The following KCNIP4 variants were observed in gnomAD, a reference collection of about 807,000 sequenced individuals.
KCNIP4 encodes the protein potassium voltage-gated channel interacting protein 4, also known as Kv channel-interacting protein 4.
KCNIP4 carries 12 observed loss-of-function variants against 34.0 expected under a neutral mutation model. That is an observed-to-expected ratio of 0.35 (90% confidence interval 0.23 to 0.57). The LOEUF (loss-of-function observed/expected upper bound fraction) is 0.57, where lower values mean the gene tolerates loss of function less well. Ranked by LOEUF, KCNIP4 falls within the 20% of genes least tolerant of loss-of-function variation. The pLI is 0.83. For missense variants in KCNIP4, 238 were observed against 311.7 expected, an observed-to-expected ratio of 0.76 and a Z score of 1.78; for synonymous variants, 124 against 102.2, an observed-to-expected ratio of 1.21 and a Z score of -1.29.
intron 1 of KCNIP4, among the ~76,000 whole-genome samples, chr4:21,016,279 T>G (rs1739534522): frequency 6.6e-6 from 1 of 150,996 alleles, no homozygotes; most frequent in African/African-American, 2.4e-5. Flanking sequence ...CTGTAAGCTT[T>G]ATTTCTTTTC....
At chr4:21,836,914 A>ATTT (rs201730191) in intron 1 of KCNIP4, among the ~76,000 whole-genome samples, 36,695 of 122,012 alleles carry the variant, frequency 0.3, 6,602 homozygotes, top group Non-Finnish European at 0.41. Flanking sequence ...GCTGGGATAA[A>ATTT]TTTTTTTTTT....
At chr4:20,790,787 T>G (rs1032593600) in intron 3 of KCNIP4, among the ~76,000 whole-genome samples, 1 of 152,082 alleles carries the variant, frequency 6.6e-6, no homozygotes, top group Non-Finnish European at 1.5e-5. Context: ...TGCAGTAAGT[T>G]GGAGAATAGA....
At chr4:21,725,739 G>A (rs1291863065) in intron 1 of KCNIP4, among the ~76,000 whole-genome samples, 2 of 152,076 alleles carry the variant, frequency 1.3e-5, no homozygotes, top group African/African-American at 4.8e-5. Flanking sequence ...CCTTAGAACA[G>A]TTCAACATTA....
intron 1 of KCNIP4, among the ~76,000 whole-genome samples, chr4:21,309,231 G>A (rs950725816): frequency 4.6e-5 from 7 of 152,152 alleles, no homozygotes; most frequent in East Asian, 1.9e-4. Flanking sequence ...GAAAGGGGGC[G>A]AACTTTCTCT....
chr4:20,750,451 C>A (rs529419050), intron 4 of KCNIP4, among the ~76,000 whole-genome samples: 1 of 152,112 alleles, frequency 6.6e-6, no homozygotes, highest in Non-Finnish European at 1.5e-5. Flanking sequence ...TAGGGAGCCC[C>A]TACTCTGTCT....
intron 1 of KCNIP4, among the ~76,000 whole-genome samples, chr4:21,505,228 C>T (rs358558): frequency 2.0e-5 from 3 of 151,256 alleles, no homozygotes; most frequent in African/African-American, 7.3e-5. Context: ...ATAGATTTTT[C>T]CCCCCATTGG....
At chr4:21,388,048 G>C (rs1443797157) in intron 1 of KCNIP4, among the ~76,000 whole-genome samples, 2 of 147,346 alleles carry the variant, frequency 1.4e-5, no homozygotes, top group African/African-American at 5.2e-5. Flanking sequence ...CAATAGTAGG[G>C]ACAGCTAGAG....
chr4:20,825,255 A>G (rs1358166091), intron 3 of KCNIP4, among the ~76,000 whole-genome samples: 1 of 124,704 alleles, frequency 8.0e-6, no homozygotes, highest in East Asian at 2.5e-4. Flanking sequence ...TTTTTGTAAG[A>G]TCTGATGTTG....
At chr4:21,470,724 CT>C (rs1730389060) in intron 1 of KCNIP4, among the ~76,000 whole-genome samples, 1 of 151,992 alleles carries the variant, frequency 6.6e-6, no homozygotes, top group Non-Finnish European at 1.5e-5. Context: ...CCCCAAAGAG[CT>C]TGTGGTGACT....
chr4:21,318,376 C>A (rs1262329637), intron 1 of KCNIP4, among the ~76,000 whole-genome samples: 1 of 152,156 alleles, frequency 6.6e-6, no homozygotes, highest in Admixed American at 6.5e-5. Context: ...TGAGTCAAAG[C>A]AATCCTAATA....
intron 1 of KCNIP4, among the ~76,000 whole-genome samples, chr4:20,892,193 G>A (rs921395468): frequency 6.6e-6 from 1 of 152,160 alleles, no homozygotes; most frequent in East Asian, 1.9e-4. Context: ...GTTTTGTTAT[G>A]CTTGATTATA....
At chr4:21,137,426 T>A (rs1751585039) in intron 1 of KCNIP4, among the ~76,000 whole-genome samples, 1 of 152,212 alleles carries the variant, frequency 6.6e-6, no homozygotes, top group Non-Finnish European at 1.5e-5. Context: ...TACTCCATAT[T>A]TTTCTTTTTT....
At chr4:21,710,892 C>T (rs911022451) in intron 1 of KCNIP4, among the ~76,000 whole-genome samples, 5 of 152,150 alleles carry the variant, frequency 3.3e-5, no homozygotes, top group African/African-American at 9.7e-5. Context: ...TATTGATAAA[C>T]TTTCAGGATG....
chr4:20,864,243 T>C (rs11930033), intron 2 of KCNIP4, among the ~76,000 whole-genome samples: 7 of 96,238 alleles, frequency 7.3e-5, no homozygotes, highest in East Asian at 6.3e-4. Context: ...TACACATATG[T>C]ATGTATATAT....
intron 1 of KCNIP4, among the ~76,000 whole-genome samples, chr4:21,302,428 G>A (rs2109245498): frequency 6.6e-6 from 1 of 152,226 alleles, no homozygotes; most frequent in South Asian, 2.1e-4. Context: ...GTCTCACAGA[G>A]AATAAAAACC....
intron 5 of KCNIP4, among the ~76,000 whole-genome samples, chr4:20,748,928 T>C (rs943783735): frequency 2.0e-5 from 3 of 150,294 alleles, no homozygotes; most frequent in African/African-American, 4.9e-5. Context: ...GAAATACATA[T>C]ATAAGCTATG....
At chr4:21,153,823 C>A (rs1230444958) in intron 1 of KCNIP4, among the ~76,000 whole-genome samples, 3 of 151,930 alleles carry the variant, frequency 2.0e-5, no homozygotes, top group Non-Finnish European at 2.9e-5. Flanking sequence ...GCCAAAGGTA[C>A]AAAATCACAC....
At chr4:21,823,002 C>T (rs1057435834) in intron 1 of KCNIP4, among the ~76,000 whole-genome samples, 4 of 152,086 alleles carry the variant, frequency 2.6e-5, no homozygotes, top group African/African-American at 9.7e-5. Context: ...CAGGCGTGAG[C>T]TGACCAAATA....
chr4:21,175,886 A>T (rs1754367510), intron 1 of KCNIP4, among the ~76,000 whole-genome samples: 1 of 152,148 alleles, frequency 6.6e-6, no homozygotes, highest in Admixed American at 6.5e-5. Flanking sequence ...ATAAGGGAGG[A>T]CTATGGTATA....
Sources: gnomAD v4.1 joint callset for allele counts (sites outside exome capture counted in the v4.1 genomes callset) on GRCh38, gnomAD v4.1.1 for gene constraint, MANE v1.5 for transcripts, NCBI Gene and HGNC (gene_info 2026-07-23, HGNC 2026-07-21) for gene names.